The following PPP3R1 variants were observed in gnomAD, a reference collection of about 807,000 sequenced individuals.
The protein encoded by PPP3R1 is protein phosphatase 3 regulatory subunit B, alpha.
PPP3R1 carries 5 observed loss-of-function variants against 22.6 expected under a neutral mutation model. The observed-to-expected ratio is 0.22, with a 90% CI of 0.12 to 0.46. The LOEUF is 0.46. Ranked by LOEUF, PPP3R1 falls within the 20% of genes least tolerant of loss-of-function variation. The pLI is 0.99. For missense variants in PPP3R1, 61 were observed against 203.2 expected (o/e 0.30, Z 4.25); for synonymous variants, 56 against 65.2 (o/e 0.86, Z 0.68).
intron 1 of PPP3R1, among the ~76,000 whole-genome samples, chr2:68,244,624 T>A (rs1670200230): frequency 6.6e-6 from 1 of 152,200 alleles, no homozygotes; most frequent in Non-Finnish European, 1.5e-5. Flanking sequence ...ATTCCATTAA[T>A]CACGCTCTTA....
intron 1 of PPP3R1, chr2:68,250,952 G>A (rs1188220320): frequency 2.0e-5 from 3 of 152,254 alleles, no homozygotes; most frequent in Middle Eastern, 3.4e-3. Flanking sequence ...ATACAGGGTG[G>A]GATACCATAC....
At chr2:68,209,607 A>C (rs968121452) in intron 2 of PPP3R1, among the ~76,000 whole-genome samples, 17 of 151,684 alleles carry the variant, frequency 1.1e-4, no homozygotes, top group Admixed American at 9.9e-4. Context: ...TGTTTAAAAA[A>C]CTTAGCCAGG....
At chr2:68,208,081 A>T (rs1669360770) in intron 2 of PPP3R1, among the ~76,000 whole-genome samples, 3 of 152,104 alleles carry the variant, frequency 2.0e-5, no homozygotes, top group South Asian at 2.1e-4. Flanking sequence ...TAAACCCAGG[A>T]GGTGGAGGTT....
chr2:68,215,215 G>T (rs1288924914), intron 2 of PPP3R1, among the ~76,000 whole-genome samples: 2 of 151,840 alleles, frequency 1.3e-5, no homozygotes, highest in Non-Finnish European at 2.9e-5. Context: ...AATGATCTGT[G>T]TACCAAAGCC....
chr2:68,184,916 CT>C (rs1412031656), intron 5 of PPP3R1, among the ~76,000 whole-genome samples: 2 of 152,130 alleles, frequency 1.3e-5, no homozygotes, highest in Non-Finnish European at 2.9e-5. Flanking sequence ...AGCGAGACCC[CT>C]GTCTACAAAA....
chr2:68,211,413 A>AAAAAAAC (rs1321437985), intron 2 of PPP3R1, among the ~76,000 whole-genome samples: 1 of 151,386 alleles, frequency 6.6e-6, no homozygotes, highest in South Asian at 2.1e-4. Context: ...TCTCAAAAAA[A>AAAAAAAC]AAAAAAAAAA....
At chr2:68,182,845 T>C (rs973034723) in intron 5 of PPP3R1, among the ~76,000 whole-genome samples, 1 of 151,862 alleles carries the variant, frequency 6.6e-6, no homozygotes, top group Admixed American at 6.5e-5. Flanking sequence ...ACACAGTTAA[T>C]TCCTTTGCTG....
chr2:68,214,053 G>A (rs879475486), intron 2 of PPP3R1, among the ~76,000 whole-genome samples: 4 of 152,104 alleles, frequency 2.6e-5, no homozygotes, highest in Admixed American at 2.6e-4. Context: ...AAAGGACTCC[G>A]TAATTCAATA....
Position 68,252,516 on chromosome 2 carries a change from C to G in PPP3R1, c.-389G>C. 1 of 913,750 alleles carries G rather than the reference C, an allele frequency of 1.1e-6. No individual in the cohort carries two copies. Among genetic ancestry groups the G allele is most frequent in the Non-Finnish European group, 1.2e-6 (1 of 804,644 alleles). The allele number at this position is 913,750 out of a possible 1,614,324, so 56.6% of individuals were successfully genotyped here. On this transcript the variant is annotated 5_prime_UTR_variant, in exon 1 of 6. Coordinates refer to ENST00000234310, the MANE Select transcript of PPP3R1 (RefSeq NM_000945.4). ...ACTCACTGCAGCGGCTCGCGCTGAC[C>G]CGCAACCTCAAGGCACGAAAAAAGG...
At chr2:68,204,129 A>AT (rs1349170937) in intron 2 of PPP3R1, among the ~76,000 whole-genome samples, 3 of 152,120 alleles carry the variant, frequency 2.0e-5, no homozygotes, top group Non-Finnish European at 4.4e-5. Context: ...CTAAGGTAGT[A>AT]TCTTGCACTC....
intron 1 of PPP3R1, among the ~76,000 whole-genome samples, chr2:68,222,334 T>C (rs1156872517): frequency 6.6e-6 from 1 of 152,202 alleles, no homozygotes; most frequent in Non-Finnish European, 1.5e-5. Context: ...AATGGTATCA[T>C]TGTGATGGTT....
At position 68,234,994 on chromosome 2, in the gene PPP3R1, C is replaced by T. The variant is rs548826200; in HGVS notation, c.3+17131G>A. On this transcript the variant is annotated intron_variant, in intron 1 of 5. Coordinates refer to ENST00000234310, the MANE Select transcript of PPP3R1 (RefSeq NM_000945.4). ...TCAACAAACACTAAGGCTAGAATGT[C>T]CATAAAGATGTAACCTGATGGTGGA... 1.1e-4 allele frequency among the ~76,000 whole-genome samples: 16 copies of T among 152,094 alleles called. No individual in the cohort carries two copies. The South Asian group carries it at 3.3e-3, about 32-fold the overall frequency.
chr2:68,191,284 T>C (rs771337537), intron 2 of PPP3R1, among the ~76,000 whole-genome samples: 1 of 152,200 alleles, frequency 6.6e-6, no homozygotes, highest in Non-Finnish European at 1.5e-5. Flanking sequence ...AGCCTATTGC[T>C]CCTAGGCTAC....
chr2:68,180,599 C>G lies in PPP3R1; in HGVS notation c.*364G>C, dbSNP rs1674380766. ...AGTATATTAAATTAAAGCCAACCTA[C>G]TACATATATAGAAAGCTACATATAT... On this transcript the variant is annotated 3_prime_UTR_variant, in exon 6 of 6. Coordinates refer to ENST00000234310, the MANE Select transcript of PPP3R1 (RefSeq NM_000945.4). 2 of 154,000 alleles carry G rather than the reference C, an allele frequency of 1.3e-5. No homozygotes were observed. Among genetic ancestry groups the G allele is most frequent in the African/African-American group, 4.8e-5 (2 of 41,438 alleles). The allele number at this position is 154,000 out of a possible 1,614,324, so 9.5% of individuals were successfully genotyped here.
rs903127461 is a variant in PPP3R1, at chr2:68,185,411, ATAT to A, written c.465+1054_465+1056del. Among the ~76,000 whole-genome samples the A allele has an allele frequency of 1.4e-4, 20 of 146,276 alleles. No individual in the cohort carries two copies. The South Asian group carries it at 1.7e-3, about 13-fold the overall frequency. ...CTAAATGCAAGTAATCTTCATTTAT[ATAT>A]TATATTTATATATTTATATTTCTTA... On this transcript the variant is annotated intron_variant, in intron 5 of 5. Coordinates refer to ENST00000234310, the MANE Select transcript of PPP3R1 (RefSeq NM_000945.4).
chr2:68,241,501 G>C (rs1431743914), intron 1 of PPP3R1, among the ~76,000 whole-genome samples: 1 of 152,142 alleles, frequency 6.6e-6, no homozygotes, highest in Non-Finnish European at 1.5e-5. Context: ...GGCAGAGCCA[G>C]AATCTAAATT....
At chr2:68,214,071 C>G (rs1669532811) in intron 2 of PPP3R1, among the ~76,000 whole-genome samples, 1 of 152,100 alleles carries the variant, frequency 6.6e-6, no homozygotes. Context: ...ATAAGTGGTG[C>G]TGGGATAACT....
chr2:68,247,175 G>C (rs1326690754), intron 1 of PPP3R1, among the ~76,000 whole-genome samples: 3 of 152,066 alleles, frequency 2.0e-5, no homozygotes, highest in African/African-American at 7.2e-5. Context: ...GGCTGGTCTG[G>C]AACTCTTGAG....
chr2:68,205,303 C>T (rs1434800781), intron 2 of PPP3R1, among the ~76,000 whole-genome samples: 1 of 140,326 alleles, frequency 7.1e-6, no homozygotes. Flanking sequence ...AGTGCAATGG[C>T]GCAATCTCAG....
Sources: gnomAD v4.1 joint callset for allele counts (sites outside exome capture counted in the v4.1 genomes callset) on GRCh38, gnomAD v4.1.1 for gene constraint, MANE v1.5 for transcripts, NCBI Gene and HGNC (gene_info 2026-07-23, HGNC 2026-07-21) for gene names.